The following ABCB1 variants were observed in gnomAD, a reference collection of about 807,000 sequenced individuals.
ABCB1 encodes the protein ATP-dependent translocase ABCB1.
Under a neutral mutation model 142.0 loss-of-function variants are expected in ABCB1, and 69 were observed. The ratio of observed to expected loss-of-function variants is 0.49; its 90% CI spans 0.40 to 0.59. ABCB1 has a LOEUF of 0.59. Ranked by LOEUF, ABCB1 falls within the 20% of genes least tolerant of loss-of-function variation. The pLI is 0.00. For synonymous variants in ABCB1, 532 were observed against 539.2 expected (o/e 0.99, Z 0.18); for missense variants, 1,326 against 1,554.7 (o/e 0.85, Z 2.47).
chr7:87,573,989 G>T (rs1818171276), intron 4 of ABCB1, among the ~76,000 whole-genome samples: 1 of 152,262 alleles, frequency 6.6e-6, no homozygotes, highest in East Asian at 1.9e-4. Context: ...ATGAGATTAA[G>T]CTCCACCCTT....
intron 8 of ABCB1, among the ~76,000 whole-genome samples, chr7:87,555,622 C>T (rs1355029906): frequency 6.6e-6 from 1 of 152,150 alleles, no homozygotes; most frequent in African/African-American, 2.4e-5. Context: ...CATAGCAACA[C>T]ATCATTAGTT....
chr7:87,513,132 C>T (rs939307939), intron 25 of ABCB1, among the ~76,000 whole-genome samples: 1 of 152,106 alleles, frequency 6.6e-6, no homozygotes, highest in African/African-American at 2.4e-5. Context: ...ATTCTAGTCT[C>T]GTGTCTTTAA....
chr7:87,521,407 G>T (rs78633406), intron 21 of ABCB1: 7,247 of 643,712 alleles, frequency 0.011, 72 homozygotes, highest in Non-Finnish European at 0.013. Flanking sequence ...ACCCCTTTCT[G>T]CCCGTGGACG....
intron 1 of ABCB1, among the ~76,000 whole-genome samples, chr7:87,635,361 CA>C (rs1354540863): frequency 6.6e-6 from 1 of 152,168 alleles, no homozygotes; most frequent in Non-Finnish European, 1.5e-5. Context: ...ATTATTATGT[CA>C]AAAGGGGCTT....
chr7:87,597,606 G>A (rs186217649), intron 2 of ABCB1, among the ~76,000 whole-genome samples: 1 of 151,918 alleles, frequency 6.6e-6, no homozygotes, highest in East Asian at 1.9e-4. Flanking sequence ...CTAAATGTTT[G>A]TATCATAAGT....
At chr7:87,711,975 C>T (rs977884361) in intron 1 of ABCB1, among the ~76,000 whole-genome samples, 1 of 152,138 alleles carries the variant, frequency 6.6e-6, no homozygotes, top group Non-Finnish European at 1.5e-5. Flanking sequence ...CTTCCATATC[C>T]TAATACAGGG....
chr7:87,694,830 A>G (rs1337666138), intron 1 of ABCB1, among the ~76,000 whole-genome samples: 1 of 152,156 alleles, frequency 6.6e-6, no homozygotes, highest in Non-Finnish European at 1.5e-5. Context: ...TATTAAATTG[A>G]TTCAATATTC....
chr7:87,550,388 T>G, intron 11 of ABCB1, 80 bp downstream of exon 11: 2 of 1,605,282 alleles, frequency 1.2e-6, no homozygotes, highest in Non-Finnish European at 1.7e-6. Flanking sequence ...ATACATGCAC[T>G]TTTTTATAAT....
upstream of ABCB1, among the ~76,000 whole-genome samples, chr7:87,605,478 ATCTCTCTGAGTAAGTCACTGCCCCC>A (rs1387011036): frequency 6.6e-6 from 1 of 152,220 alleles, no homozygotes; most frequent in African/African-American, 2.4e-5. Flanking sequence ...TTAGAGAATC[ATCTCTCTGAGTAAGTCACTGCCCCC>A]TATTAAAATA....
intron 1 of ABCB1, chr7:87,693,975 A>T: frequency 1.2e-6 from 2 of 1,611,040 alleles, no homozygotes; most frequent in Non-Finnish European, 1.7e-6. Flanking sequence ...TATGCTGGTG[A>T]TGTCTCCCGC....
intron 4 of ABCB1, among the ~76,000 whole-genome samples, chr7:87,573,509 T>TA (rs1818142221): frequency 6.6e-6 from 1 of 152,210 alleles, no homozygotes; most frequent in African/African-American, 2.4e-5. Flanking sequence ...CATCATTTCT[T>TA]ACCTCTCCTG....
chr7:87,670,267 C>T (rs1825691812), intron 1 of ABCB1, among the ~76,000 whole-genome samples: 1 of 152,194 alleles, frequency 6.6e-6, no homozygotes, highest in African/African-American at 2.4e-5. Context: ...CTTCTGCTGT[C>T]AATACTTGTA....
intron 1 of ABCB1, among the ~76,000 whole-genome samples, chr7:87,642,737 G>A (rs1040032244): frequency 3.3e-5 from 5 of 151,816 alleles, no homozygotes; most frequent in Non-Finnish European, 2.9e-5. Context: ...TGCTTCTAAC[G>A]TTATTTTTTA....
intron 5 of ABCB1, among the ~76,000 whole-genome samples, chr7:87,569,408 C>T (rs1817941487): frequency 6.6e-6 from 1 of 150,566 alleles, no homozygotes; most frequent in African/African-American, 2.4e-5. Flanking sequence ...AAATCATTTT[C>T]TTCTGATTCA....
Position 87,549,940 on chromosome 7 carries a change from G to T in ABCB1, c.1465C>A (p.Arg489Ser). 1.2e-6 allele frequency: 2 copies of T among 1,614,138 alleles called. No homozygotes were observed. The highest frequency in any genetic ancestry group is 1.7e-6 in the Non-Finnish European group (2 of 1,180,022). ...LFATTIAENI[R>S]YGRENVTMDE... Reference sequence around the variant, plus strand: ...ATGGTGACATTTTCACGGCCATAGCGAATGTTTTCAGCTATCGTGGTGGCA... The same window carrying T: ...ATGGTGACATTTTCACGGCCATAGCTAATGTTTTCAGCTATCGTGGTGGCA... The change falls in exon 13 of 28, where the codon CGC becomes AGC. Residue 489 changes from arginine (R) to serine (S), a missense_variant. Arg to Ser is a moderately radical substitution (Grantham distance 110, BLOSUM62 -1). Transcript: ENST00000622132.
At chr7:87,683,144 T>C (rs753843669) in intron 1 of ABCB1, among the ~76,000 whole-genome samples, 5 of 152,182 alleles carry the variant, frequency 3.3e-5, no homozygotes, top group Non-Finnish European at 7.3e-5. Flanking sequence ...TTCTGCGGCG[T>C]CTTTGCCTCT....
At chr7:87,531,599 T>G in intron 20 of ABCB1, 102 bp from the exon 21 acceptor site, 1 of 1,083,464 alleles carries the variant, frequency 9.2e-7, no homozygotes. Context: ...ATTCATTATT[T>G]TATCAGTAAT....
chr7:87,517,734 T>G (rs545788628), intron 23 of ABCB1, among the ~76,000 whole-genome samples: 16 of 152,360 alleles, frequency 1.1e-4, no homozygotes, highest in African/African-American at 3.6e-4. Flanking sequence ...AGATATCATG[T>G]TGCTCTTAAG....
chr7:87,712,059 A>G (rs985840969), intron 1 of ABCB1, among the ~76,000 whole-genome samples: 3 of 152,182 alleles, frequency 2.0e-5, no homozygotes, highest in African/African-American at 7.2e-5. Context: ...GCTGGTACTA[A>G]TTAAGTATCT....
Sources: gnomAD v4.1 joint callset for allele counts (sites outside exome capture counted in the v4.1 genomes callset) on GRCh38, gnomAD v4.1.1 for gene constraint, MANE v1.5 for transcripts, NCBI Gene and HGNC (gene_info 2026-07-23, HGNC 2026-07-21) for gene names.